KANK3: variants seen among roughly 807,000 people sequenced by gnomAD.
The protein encoded by KANK3 is KN motif and ankyrin repeat domains 3.
A neutral mutation model predicts 65.4 loss-of-function variants in KANK3; 61 were observed. That is an observed-to-expected ratio of 0.93 (90% CI 0.76 to 1.15). The LOEUF is 1.15. Ranked by LOEUF, KANK3 falls within the 50% of genes most tolerant of loss-of-function variation. KANK3 has a pLI of 0.00. For synonymous variants in KANK3, 586 were observed against 543.3 expected, an observed-to-expected ratio of 1.08 and a Z score of -1.09; for missense variants, 1,187 against 1,178.8, an observed-to-expected ratio of 1.01 and a Z score of -0.10.
intron 1 of KANK3, among the ~76,000 whole-genome samples, chr19:8,340,669 C>T (rs1970712897): frequency 6.6e-6 from 1 of 152,192 alleles, no homozygotes; most frequent in Non-Finnish European, 1.5e-5. Context: ...GAGCACCCAC[C>T]AGCCCTCCTG....
chr19:8,337,551 G>C (rs558566602), intron 2 of KANK3, among the ~76,000 whole-genome samples: 1 of 151,802 alleles, frequency 6.6e-6, no homozygotes, highest in East Asian at 1.9e-4. Context: ...TCACCATGTT[G>C]CCCAGGCTGG....
chr19:8,338,046 G>T (rs1161026913), intron 1 of KANK3, 190 bp from the exon 2 acceptor site: 1 of 704,298 alleles, frequency 1.4e-6, no homozygotes, highest in Non-Finnish European at 1.7e-6. Flanking sequence ...TTTTGGGACA[G>T]AGTCTCGCTC....
intron 2 of KANK3, among the ~76,000 whole-genome samples, chr19:8,337,043 T>TC (rs982856338): frequency 1.1e-4 from 5 of 47,040 alleles, no homozygotes; most frequent in Non-Finnish European, 1.2e-4. Context: ...TGTTTTTTTC[T>TC]TTTTTTTGAG....
At position 8,333,197 on chromosome 19, in the gene KANK3, G is replaced by A; in HGVS notation, c.1753C>T (p.Arg585Ter). The A allele has an allele frequency of 1.2e-6, 2 of 1,612,380 alleles. No individual in the cohort carries two copies. Among genetic ancestry groups the A allele is most frequent in the Middle Eastern group, 1.7e-4 (1 of 5,986 alleles). ...AVRLVAQEWF[R>*]VSSQRRSQAE... ...TGAGAGCGCCGCTGGCTGGACACTC[G>A]AAACCACTCCTGGGCCACGAGGCGC... The change falls in exon 7 of 11, where the codon CGA becomes TGA. Residue 585 changes from arginine to a stop codon, truncating the protein, a stop_gained. Coordinates refer to ENST00000330915, the MANE Select transcript of KANK3 (RefSeq NM_198471.3). LOFTEE classifies it high-confidence loss of function. This position sits in a 1 kb window ranked among gnomAD's most constrained non-coding sequence, Gnocchi z 5.0.
intron 7 of KANK3, among the ~76,000 whole-genome samples, chr19:8,328,228 C>G (rs1371878216): frequency 1.3e-5 from 2 of 152,080 alleles, no homozygotes; most frequent in Non-Finnish European, 2.9e-5. Context: ...GCCTGAGCAA[C>G]ATGGTGAAAC....
intron 1 of KANK3, among the ~76,000 whole-genome samples, chr19:8,338,800 G>T (rs1377800285): frequency 6.7e-6 from 1 of 149,756 alleles, no homozygotes; most frequent in Admixed American, 6.7e-5. Context: ...GCGTGAACCC[G>T]GGAGGCGGAG....
intron 1 of KANK3, among the ~76,000 whole-genome samples, chr19:8,342,777 T>A (rs1001596080): frequency 6.6e-6 from 1 of 152,118 alleles, no homozygotes; most frequent in Non-Finnish European, 1.5e-5. Context: ...GACAGAGCAG[T>A]TTCCTACAGG....
chr19:8,335,701 G>T lies in KANK3; in HGVS notation c.126C>A (p.Phe42Leu). 2 of 1,254,124 alleles carry T rather than the reference G, an allele frequency of 1.6e-6. No homozygotes were observed. Among genetic ancestry groups the T allele is most frequent in the Non-Finnish European group, 2.0e-6 (2 of 995,736 alleles). 77.7% of individuals were successfully genotyped at this position (1,254,124 alleles called of 1,614,324 possible). A position where few individuals can be genotyped will look rare whatever the true frequency, so the allele number is the denominator to read the frequency against. Residue 42 changes from phenylalanine to leucine, a missense_variant, in exon 3 of 11, where the codon TTC becomes TTA. Phe to Leu is a conservative substitution (Grantham distance 22, BLOSUM62 0). Around this residue, in one of 3 missense-constraint regions of KANK3, gnomAD observed 104 missense variants for 122.1 expected, o/e 0.85. Coordinates refer to ENST00000330915, the MANE Select transcript of KANK3 (RefSeq NM_198471.3). ...ACTTGAGGAAGTCCAGGTCCAGGTG[G>T]AAGCCGTAGGGCGTCTCCACCGAGT... ...SPYSVETPYG[F>L]HLDLDFLKYI...
chr19:8,330,264 G>A (rs1432523599), intron 7 of KANK3, among the ~76,000 whole-genome samples: 1 of 152,138 alleles, frequency 6.6e-6, no homozygotes, highest in African/African-American at 2.4e-5. Flanking sequence ...GGGGAGATGA[G>A]TAAGAACCAG....
Position 8,333,746 on chromosome 19 carries a change from G to T in KANK3, c.1697C>A (p.Pro566His). 1 of 1,476,028 alleles carries T rather than the reference G, an allele frequency of 6.8e-7. No homozygotes were observed. Among genetic ancestry groups the T allele is most frequent in the Non-Finnish European group, 9.0e-7 (1 of 1,109,866 alleles). 91.4% of individuals were successfully genotyped at this position (1,476,028 alleles called of 1,614,324 possible). The change falls in exon 6 of 11, where the codon CCC becomes CAC. Residue 566 changes from proline to histidine, a missense_variant. By Grantham distance (77) the Pro-to-His change is moderately conservative (BLOSUM62 -2). Around this residue, in one of 3 missense-constraint regions of KANK3, gnomAD observed 1,078 missense variants for 1,038.2 expected, o/e 1.04. Coordinates refer to ENST00000330915, the MANE Select transcript of KANK3 (RefSeq NM_198471.3). The surrounding 1 kb of genome is among the most constrained non-coding windows in gnomAD (Gnocchi z 5.0). ...CACGCCGTCGCTGGCTACTCCGCGGGGCCGGCTCAGCTGCCGCTGCAGCGC... is the reference window on the plus strand; with the variant it reads ...CACGCCGTCGCTGGCTACTCCGCGGTGCCGGCTCAGCTGCCGCTGCAGCGC... ...CVALQRQLSR[P>H]RGVASDGGAV...
rs529633960 is a variant in KANK3 at position 8,343,028 on chromosome 19, C to A, written c.-29+197G>T. Among the ~76,000 whole-genome samples the A allele has an allele frequency of 2.3e-3, 345 of 152,308 alleles. 2 individuals are homozygous for A. Among genetic ancestry groups the A allele is most frequent in the Admixed American group, 6.3e-3 (97 of 15,302 alleles). ...GGGGGCAAGCCCACGCCTCCAGAGC[C>A]CCCCACTCTGCTCGCTACCCACCTG... On this transcript the variant is annotated intron_variant, in intron 1 of 10. Transcript: ENST00000330915.
Position 8,334,702 on chromosome 19 carries a change from C to A in KANK3, c.1125G>T (p.Arg375=), listed in dbSNP as rs1203953966. ...QRGVSELLRG[R]LRELEEAREA... ...CGCGGGCTTCCTCCAGCTCCCGCAA[C>A]CGGCCCCGCAGAAGCTCACTCACCC... The change falls in exon 3 of 11, where the codon CGG becomes CGT. Residue 375 remains arginine, a synonymous_variant. Coordinates refer to ENST00000330915, the MANE Select transcript of KANK3 (RefSeq NM_198471.3). 1 of 1,532,272 alleles carries A rather than the reference C, an allele frequency of 6.5e-7. No individual in the cohort carries two copies. Among genetic ancestry groups the A allele is most frequent in the South Asian group, 1.2e-5 (1 of 83,814 alleles). 94.9% of individuals were successfully genotyped at this position (1,532,272 alleles called of 1,614,324 possible). A position where few individuals can be genotyped will look rare whatever the true frequency, so the allele number is the denominator to read the frequency against.
In KANK3 at chr19:8,324,511, C is replaced by T. The variant is rs760814596; in HGVS notation, c.2320G>A (p.Glu774Lys). The change falls in exon 10 of 11, where the codon GAG becomes AAG. Residue 774 changes from glutamate (E) to lysine (K), a missense_variant. Glu to Lys is a moderately conservative substitution (Grantham distance 56). Around this residue, in one of 3 missense-constraint regions of KANK3, gnomAD observed 1,078 missense variants for 1,038.2 expected, o/e 1.04. Coordinates refer to ENST00000330915, the MANE Select transcript of KANK3 (RefSeq NM_198471.3). The part of the protein sequence containing the change: ...TSALAIALEA[E>K]QDEVAALLHA... Reference sequence around the variant, plus strand: ...AGCAGAGCGGCCACCTCATCCTGCTCAGCCTCCAGGGCGATGGCCAGGGCA... The same window carrying T: ...AGCAGAGCGGCCACCTCATCCTGCTTAGCCTCCAGGGCGATGGCCAGGGCA... The T allele has an allele frequency of 3.7e-6, 6 of 1,613,410 alleles. No homozygotes were observed. The highest frequency in any genetic ancestry group is 2.2e-5 in the South Asian group (2 of 91,016).
At chr19:8,325,294 ATCTT>A (rs1970406518) in intron 7 of KANK3, among the ~76,000 whole-genome samples, 198 bp from the exon 8 acceptor site, 2 of 66,510 alleles carry the variant, frequency 3.0e-5, no homozygotes, top group African/African-American at 1.2e-4. Context: ...TTCCTGTTTC[ATCTT>A]TTTTTTTTTT....
At position 8,334,009 on chromosome 19, in the gene KANK3, C is replaced by T. The variant is rs1379631730; in HGVS notation, c.1535G>A (p.Gly512Glu). 11 of 1,560,074 alleles carry T rather than the reference C, an allele frequency of 7.1e-6. No homozygotes were observed. The Admixed American group carries it at 7.3e-5, about 10-fold the overall frequency. Residue 512 changes from glycine (G) to glutamate (E), a missense_variant, in exon 5 of 11, where the codon GGG becomes GAG. Physicochemically the swap from Gly to Glu is moderately conservative, Grantham distance 98. Around this residue, in one of 3 missense-constraint regions of KANK3, gnomAD observed 1,078 missense variants for 1,038.2 expected, o/e 1.04. Coordinates refer to ENST00000330915, the MANE Select transcript of KANK3 (RefSeq NM_198471.3). The part of the protein sequence containing the change: ...SSSGSGDDSG[G>E]GSDSGTPGPP... ...GCCAGGGGTGCCCGAGTCGGATCCC[C>T]CGCCGCTGTCATCCCCGGAGCCCGA...
rs768261719 is a variant in KANK3 at position 8,332,994 on chromosome 19, C to G, written c.1936+20G>C. 2 of 585,748 alleles carry G rather than the reference C, an allele frequency of 3.4e-6. No homozygotes were observed. The highest frequency in any genetic ancestry group is 1.6e-5 in the South Asian group (1 of 60,938). 36.3% of individuals were successfully genotyped at this position (585,748 alleles called of 1,614,324 possible). A position where few individuals can be genotyped will look rare whatever the true frequency, so the allele number is the denominator to read the frequency against. The stretch of plus-strand genomic sequence containing the variant: ...CCCACCCATTTCCTGGTGTCCCACC[C>G]ACCCTCCCTTGGCTCTGACCCGTAT... On this transcript the variant is annotated intron_variant, in intron 7 of 10. Coordinates refer to ENST00000330915, the MANE Select transcript of KANK3 (RefSeq NM_198471.3).
In KANK3 at chr19:8,334,036, GAGC is replaced by G; in HGVS notation, c.1505_1507del (p.Ser502_Ser503delinsThr). On this transcript the variant is annotated inframe_deletion, in exon 5 of 11. Coordinates refer to ENST00000330915, the MANE Select transcript of KANK3 (RefSeq NM_198471.3). ...GCCGCTGTCATCCCCGGAGCCCGAG[GAGC>G]TACCCGGGGGCTCGGCGCCACCGTT... 6.5e-7 allele frequency: 1 copy of G among 1,548,502 alleles called. No individual in the cohort carries two copies. Among genetic ancestry groups the G allele is most frequent in the East Asian group, 2.4e-5 (1 of 41,434 alleles).
Position 8,333,434 on chromosome 19 carries a change from G to A in KANK3, c.1720-204C>T, listed in dbSNP as rs1301722370. Among the ~76,000 whole-genome samples the A allele has an allele frequency of 1.3e-5, 2 of 152,226 alleles. No individual in the cohort carries two copies. The highest frequency in any genetic ancestry group is 3.9e-4 in the East Asian group (2 of 5,188). The stretch of plus-strand genomic sequence containing the variant: ...CCCCTATCGGAGGGCAAACACGGGG[G>A]AAGGGGGTCCTTTCCTTCCAGGGAA... On this transcript the variant is annotated intron_variant, in intron 6 of 10. Coordinates refer to ENST00000330915, the MANE Select transcript of KANK3 (RefSeq NM_198471.3). This position sits in a 1 kb window ranked among gnomAD's most constrained non-coding sequence, Gnocchi z 5.0.
At chr19:8,342,898 GAGGGGCTGGCTGGGGTCCCC>G (rs1568206580) in intron 1 of KANK3, among the ~76,000 whole-genome samples, 1 of 152,066 alleles carries the variant, frequency 6.6e-6, no homozygotes. Flanking sequence ...AGCCCAGCGC[GAGGGGCTGGCTGGGGTCCCC>G]AGGCCGTCCC....
Sources: gnomAD v4.1 joint callset for allele counts (sites outside exome capture counted in the v4.1 genomes callset) on GRCh38, gnomAD v4.1.1 for gene constraint, gnomAD v4.1.1 regional missense constraint, Gnocchi (gnomAD v3.1) non-coding constraint, MANE v1.5 for transcripts, NCBI Gene and HGNC (gene_info 2026-07-23, HGNC 2026-07-21) for gene names.